NBDY: variants seen among roughly 807,000 people sequenced by gnomAD.
The protein encoded by NBDY is negative regulator of P-body association.
At chrX:56,796,837 C>T (rs12011414) in intron 2 of NBDY, among the ~76,000 whole-genome samples, 116 of 110,618 alleles carry the variant, frequency 1.0e-3, no homozygotes, top group African/African-American at 3.4e-3. Flanking sequence ...CAGGAAAGAT[C>T]TCATTGACAA....
chrX:56,731,402 T>TAAA lies in NBDY; in HGVS notation c.*30-643_*30-641dup, dbSNP rs56304858. 2.4e-3 allele frequency among the ~76,000 whole-genome samples: 173 copies of TAAA among 71,243 alleles called. 1 individual carries two copies. Among genetic ancestry groups the TAAA allele is most frequent in the Non-Finnish European group, 3.8e-3 (155 of 40,734 alleles). The allele number at this position is 71,243 out of a possible 115,157, so 61.9% of individuals were successfully genotyped here. On this transcript the variant is annotated intron_variant, in intron 1 of 2. Transcript: ENST00000374922. The stretch of plus-strand genomic sequence containing the variant: ...GGCGAAACCCCATCTCTACTAAAAG[T>TAAA]AAAAAAAAAAAAAAAAAAAATAGCC...
intron 2 of NBDY, among the ~76,000 whole-genome samples, chrX:56,809,138 G>A (rs1309683670): frequency 6.2e-5 from 7 of 112,118 alleles, no homozygotes; most frequent in Non-Finnish European, 1.3e-4. Context: ...TATAATTTCC[G>A]TTCTTTTGCA....
At chrX:56,755,335 C>T (rs2069604454) in intron 2 of NBDY, among the ~76,000 whole-genome samples, 1 of 112,153 alleles carries the variant, frequency 8.9e-6, no homozygotes. Context: ...AAAGAAACTA[C>T]CATCAGAGTG....
intron 2 of NBDY, among the ~76,000 whole-genome samples, chrX:56,781,713 G>T (rs2069692372): frequency 8.9e-6 from 1 of 111,905 alleles, no homozygotes; most frequent in South Asian, 3.8e-4. Context: ...TTATGCACGG[G>T]GACATGGTTA....
At chrX:56,758,311 G>A (rs1466379388) in intron 2 of NBDY, among the ~76,000 whole-genome samples, 2 of 77,636 alleles carry the variant, frequency 2.6e-5, no homozygotes, top group Non-Finnish European at 5.2e-5. Flanking sequence ...GTGAGACTCT[G>A]TCTCGAAAAA....
chrX:56,767,173 C>T (rs1219141311), intron 2 of NBDY, among the ~76,000 whole-genome samples: 1 of 113,523 alleles, frequency 8.8e-6, no homozygotes, highest in Admixed American at 9.2e-5. Flanking sequence ...CATGATTATA[C>T]GTCCTTTCTC....
intron 2 of NBDY, among the ~76,000 whole-genome samples, chrX:56,812,516 T>C (rs2069892335): frequency 9.0e-6 from 1 of 110,519 alleles, no homozygotes; most frequent in South Asian, 4.0e-4. Flanking sequence ...TGATGGCCCC[T>C]TGAAGTGTGC....
At position 56,758,500 on chromosome X, in the gene NBDY, A is replaced by G. The variant is rs145842580; in HGVS notation, c.*166+26301A>G. Among the ~76,000 whole-genome samples, 1,061 of 111,040 alleles carry G rather than the reference A, an allele frequency of 9.6e-3. 12 individuals are homozygous for G. The highest frequency in any genetic ancestry group is 0.034 in the African/African-American group (1,022 of 30,461). ...CTCTCTGACTGGAACCCAGGCACTCATATGTGCCCAGGAATGGGTGGGATA... is the reference window on the plus strand; with the variant it reads ...CTCTCTGACTGGAACCCAGGCACTCGTATGTGCCCAGGAATGGGTGGGATA... On this transcript the variant is annotated intron_variant, in intron 2 of 2. Coordinates refer to ENST00000374922, the MANE Select transcript of NBDY (RefSeq NM_001348129.2).
chrX:56,756,116 G>C (rs2069609625), intron 2 of NBDY, among the ~76,000 whole-genome samples: 1 of 88,615 alleles, frequency 1.1e-5, no homozygotes. Context: ...ACAGGAAGGG[G>C]AACATCACAC....
intron 2 of NBDY, among the ~76,000 whole-genome samples, chrX:56,742,688 C>A (rs2069537322): frequency 8.9e-6 from 1 of 111,897 alleles, no homozygotes; most frequent in African/African-American, 3.2e-5. Flanking sequence ...TTGTATCCTG[C>A]AACTTTACTG....
In NBDY at chrX:56,817,666, G is replaced by A. The variant is rs2069916981; in HGVS notation, c.*513G>A. ...CCTATGTAAAGCATTACTAAAATTA[G>A]TGTTGAAATATGACCTTCTTCCTAC... is the stretch of plus-strand genomic sequence containing the variant. On this transcript the variant is annotated 3_prime_UTR_variant, in exon 3 of 3. Transcript: ENST00000374922. The A allele has an allele frequency of 8.9e-6, 1 of 112,199 alleles. No homozygotes were observed. The highest frequency in any genetic ancestry group is 3.6e-4 in the South Asian group (1 of 2,754). 9.2% of individuals were successfully genotyped at this position (112,199 alleles called of 1,213,427 possible).
chrX:56,812,763 G>A (rs1370653931), intron 2 of NBDY, among the ~76,000 whole-genome samples: 3 of 111,469 alleles, frequency 2.7e-5, no homozygotes, highest in Non-Finnish European at 3.8e-5. Context: ...TTGGTGACAC[G>A]AAGCTGCCAC....
chrX:56,735,425 C>T (rs1366148786), intron 2 of NBDY, among the ~76,000 whole-genome samples: 3 of 112,260 alleles, frequency 2.7e-5, no homozygotes, highest in Non-Finnish European at 5.6e-5. Context: ...CACTTTTTAC[C>T]TTGAGCAGGT....
intron 2 of NBDY, among the ~76,000 whole-genome samples, chrX:56,756,465 G>T (rs1334389533): frequency 9.3e-6 from 1 of 107,330 alleles, no homozygotes; most frequent in East Asian, 2.9e-4. Flanking sequence ...TAACACAATT[G>T]ACAACCTAAA....
At chrX:56,761,375 C>T (rs755491291) in intron 2 of NBDY, among the ~76,000 whole-genome samples, 25 of 112,741 alleles carry the variant, frequency 2.2e-4, no homozygotes, top group African/African-American at 7.1e-4. Flanking sequence ...GCGGAGGGTG[C>T]GGGATGTGTT....
chrX:56,767,604 C>G (rs375727657), intron 2 of NBDY, among the ~76,000 whole-genome samples: 198 of 113,620 alleles, frequency 1.7e-3, no homozygotes, highest in African/African-American at 5.4e-3. Flanking sequence ...TTGGACCTGC[C>G]TGCCCAGGGC....
chrX:56,764,715 A>G (rs1467315394), intron 2 of NBDY, among the ~76,000 whole-genome samples: 1 of 107,817 alleles, frequency 9.3e-6, no homozygotes, highest in Non-Finnish European at 1.9e-5. Context: ...AAAAAAAAAA[A>G]AAAAAAAGAA....
At chrX:56,734,676 T>C (rs2069477682) in intron 2 of NBDY, among the ~76,000 whole-genome samples, 1 of 111,545 alleles carries the variant, frequency 9.0e-6, no homozygotes, top group African/African-American at 3.3e-5. Context: ...GGTACTTCAC[T>C]CAAGGAGGTA....
chrX:56,781,578 T>A (rs1343710698), intron 2 of NBDY, among the ~76,000 whole-genome samples: 7 of 112,431 alleles, frequency 6.2e-5, no homozygotes, highest in Non-Finnish European at 1.1e-4. Flanking sequence ...TGTAACTCAT[T>A]GCTCACTCTG....
Sources: gnomAD v4.1 joint callset for allele counts (sites outside exome capture counted in the v4.1 genomes callset) on GRCh38, gnomAD v4.1.1 for gene constraint, MANE v1.5 for transcripts, NCBI Gene and HGNC (gene_info 2026-07-23, HGNC 2026-07-21) for gene names.